ZNF324B: variants seen among roughly 807,000 people sequenced by gnomAD.
The protein encoded by ZNF324B is zinc finger protein 324B.
In ZNF324B, 7 loss-of-function variants were observed where a neutral mutation model predicts 10.6. The observed-to-expected ratio is 0.66, with a 90% CI of 0.38 to 1.24. The LOEUF (loss-of-function observed/expected upper bound fraction) is 1.24, where lower values mean the gene tolerates loss of function less well. Among genes scored for constraint, ZNF324B ranks in the 50% most tolerant of loss-of-function variants. The pLI is 0.02. For missense variants in ZNF324B, 640 were observed against 764.7 expected (o/e 0.84, Z 1.92); for synonymous variants, 316 against 321.0 (o/e 0.98, Z 0.17).
At chr19:58,432,409 A>T in the ZNF324B span, 2 of 448,918 alleles carry the variant, frequency 4.5e-6, no homozygotes, top group African/African-American at 4.0e-5. Flanking sequence ...AACTATGGCT[A>T]TTCCTTTGTC....
At chr19:58,453,525 C>G (rs759319047) in intron 1 of ZNF324B, among the ~76,000 whole-genome samples, 171 bp from the exon 2 acceptor site, 2 of 151,894 alleles carry the variant, frequency 1.3e-5, no homozygotes, top group Non-Finnish European at 2.9e-5. Context: ...ACCAGGAGGG[C>G]AGAGGGGAGG....
At chr19:58,433,368 G>A in the ZNF324B span, 1 of 1,614,230 alleles carries the variant, frequency 6.2e-7, no homozygotes, top group Non-Finnish European at 8.5e-7. Context: ...AAAGATGGCT[G>A]AAGAGTTTCC....
At chr19:58,427,294 T>TCTTC in the ZNF324B span, among the ~76,000 whole-genome samples, 1 of 44,534 alleles carries the variant, frequency 2.2e-5, no homozygotes, top group Non-Finnish European at 3.7e-5. Flanking sequence ...CTGGCTTTTT[T>TCTTC]CTTTCTTTCT....
chr19:58,455,624 C>G lies in ZNF324B; in HGVS notation c.680C>G (p.Ala227Gly). Residue 227 changes from alanine (A) to glycine (G), a missense_variant, in exon 4 of 4, where the codon GCT becomes GGT. Ala to Gly is a moderately conservative substitution (Grantham distance 60, BLOSUM62 0). Coordinates refer to ENST00000336614, the MANE Select transcript of ZNF324B (RefSeq NM_207395.3). The surrounding 1 kb of genome is among the most constrained non-coding windows in gnomAD (Gnocchi z 7.0). ...SGGRDRRMGA[A>G]WQEPHRLLGG... The stretch of plus-strand genomic sequence containing the variant: ...GGCAGGGATCGCAGAATGGGCGCAG[C>G]TTGGCAGGAGCCTCATAGACTCCTC... 6.2e-7 allele frequency: 1 copy of G among 1,613,948 alleles called. No homozygotes were observed. Among genetic ancestry groups the G allele is most frequent in the South Asian group, 1.1e-5 (1 of 91,082 alleles).
In ZNF324B at chr19:58,455,124, C is replaced by G. The variant is rs1301120676; in HGVS notation, c.239-59C>G. 1 of 1,611,106 alleles carries G rather than the reference C, an allele frequency of 6.2e-7. No individual in the cohort carries two copies. The highest frequency in any genetic ancestry group is 8.5e-7 in the Non-Finnish European group (1 of 1,178,166). ...GCTCCCCCTTGCCTGTCCACTCAGC[C>G]TGCCCTGGTCCTCTCCTAACCAGGA... is the stretch of plus-strand genomic sequence containing the variant. On this transcript the variant is annotated intron_variant, in intron 3 of 3. Coordinates refer to ENST00000336614, the MANE Select transcript of ZNF324B (RefSeq NM_207395.3). This position sits in a 1 kb window ranked among gnomAD's most constrained non-coding sequence, Gnocchi z 7.0.
At chr19:58,424,612 A>G in the ZNF324B span, among the ~76,000 whole-genome samples, 1 of 152,222 alleles carries the variant, frequency 6.6e-6, no homozygotes. Context: ...TGGAGCAACT[A>G]GAACTCTCAG....
rs2052926636 is a variant in ZNF324B at position 58,456,700 on chromosome 19, A to AG, written c.*124dup. The AG allele has an allele frequency of 7.9e-7, 1 of 1,268,610 alleles. No homozygotes were observed. Among genetic ancestry groups the AG allele is most frequent in the African/African-American group, 1.5e-5 (1 of 66,174 alleles). The allele number at this position is 1,268,610 out of a possible 1,614,324, so 78.6% of individuals were successfully genotyped here. On this transcript the variant is annotated 3_prime_UTR_variant, in exon 4 of 4. Coordinates refer to ENST00000336614, the MANE Select transcript of ZNF324B (RefSeq NM_207395.3). The surrounding 1 kb of genome is among the most constrained non-coding windows in gnomAD (Gnocchi z 4.7). ...GCTCTGTGCCTGAGAGTCAGGGACG[A>AG]GGGAGACCCTTTGGCTGTGGTTCCA... is the stretch of plus-strand genomic sequence containing the variant.
chr19:58,428,381 A>G, the ZNF324B span, among the ~76,000 whole-genome samples: 1 of 152,222 alleles, frequency 6.6e-6, no homozygotes, highest in Non-Finnish European at 1.5e-5. Context: ...AGAAATCTGA[A>G]TATTTGGCTC....
the ZNF324B span, among the ~76,000 whole-genome samples, chr19:58,425,321 T>C: frequency 6.6e-6 from 1 of 151,878 alleles, no homozygotes; most frequent in South Asian, 2.1e-4. Context: ...CCGGCTCAAG[T>C]GATCCTCCTG....
the ZNF324B span, among the ~76,000 whole-genome samples, chr19:58,428,476 G>T: frequency 1.3e-5 from 2 of 152,076 alleles, no homozygotes; most frequent in Non-Finnish European, 2.9e-5. Flanking sequence ...AGACCTGCTT[G>T]GTGGCCACCA....
chr19:58,426,847 C>G, the ZNF324B span, among the ~76,000 whole-genome samples: 1 of 152,226 alleles, frequency 6.6e-6, no homozygotes, highest in Non-Finnish European at 1.5e-5. Flanking sequence ...AGTCAGTACA[C>G]TGCATCAAGG....
rs537815373 is a variant in ZNF324B, at chr19:58,453,661, A to T, written c.-6-35A>T. On this transcript the variant is annotated intron_variant, in intron 1 of 3. Transcript: ENST00000336614. ...TGGTCCTGGCTCACAGCCATACCTTAGACCATGCCTACCTCCACCTCCCTG... is the reference window on the plus strand; with the variant it reads ...TGGTCCTGGCTCACAGCCATACCTTTGACCATGCCTACCTCCACCTCCCTG... The T allele has an allele frequency of 6.2e-6, 10 of 1,614,120 alleles. No homozygotes were observed. The South Asian group carries it at 7.7e-5, about 12-fold the overall frequency.
At position 58,453,785 on chromosome 19, in the gene ZNF324B, C is replaced by T. The variant is rs752376216; in HGVS notation, c.84C>T (p.His28=). The T allele has an allele frequency of 2.0e-5, 33 of 1,614,138 alleles. No individual in the cohort carries two copies. Among genetic ancestry groups the T allele is most frequent in the East Asian group, 1.1e-4 (5 of 44,882 alleles). The change falls in exon 2 of 4, where the codon CAC becomes CAT. Residue 28 remains histidine (H), a synonymous_variant. Transcript: ENST00000336614. The part of the protein sequence containing the change: ...LDTAQRALYR[H]VMLENFTLVT... ...CAGCGCAGAGGGCCCTGTACCGCCA[C>T]GTGATGCTGGAAAACTTCACACTTG...
the ZNF324B span, chr19:58,434,097 G>A: frequency 1.9e-6 from 3 of 1,612,234 alleles, no homozygotes; most frequent in Non-Finnish European, 2.5e-6. Context: ...GAACTTTCTG[G>A]TGCTGAGCAA....
chr19:58,433,011 G>T, the ZNF324B span: 1 of 320,442 alleles, frequency 3.1e-6, no homozygotes, highest in Non-Finnish European at 5.6e-6. Context: ...CGGTTCAGCT[G>T]AGCACAGTCC....
At chr19:58,422,493 T>C in the ZNF324B span, among the ~76,000 whole-genome samples, 1 of 152,216 alleles carries the variant, frequency 6.6e-6, no homozygotes, top group Non-Finnish European at 1.5e-5. Flanking sequence ...CATGATCTTA[T>C]ATTTAGAAAA....
the ZNF324B span, chr19:58,434,026 T>C: frequency 3.7e-6 from 6 of 1,613,986 alleles, no homozygotes; most frequent in South Asian, 6.6e-5. Context: ...TCGAAGGAGA[T>C]GGGAGCTTTG....
At chr19:58,436,926 A>G in the ZNF324B span, 1 of 1,394,112 alleles carries the variant, frequency 7.2e-7, no homozygotes, top group Non-Finnish European at 1.0e-6. Flanking sequence ...CCCAGCACCT[A>G]CAACAGGAAA....
the ZNF324B span, chr19:58,418,810 A>C: frequency 0.32 from 48,989 of 151,964 alleles, 8,426 homozygotes; most frequent in African/African-American, 0.45. Flanking sequence ...GGATCTTGCT[A>C]CATTGCCCAG....
Sources: gnomAD v4.1 joint callset for allele counts (sites outside exome capture counted in the v4.1 genomes callset) on GRCh38, gnomAD v4.1.1 for gene constraint, Gnocchi (gnomAD v3.1) non-coding constraint, MANE v1.5 for transcripts, NCBI Gene and HGNC (gene_info 2026-07-23, HGNC 2026-07-21) for gene names.